Variants in CFAP251 observed in about 807,000 individuals in gnomAD.
CFAP251 encodes the protein cilia- and flagella-associated protein 251.
In CFAP251, 93 loss-of-function variants were observed where a neutral mutation model predicts 126.7. That is an observed-to-expected ratio of 0.73 (90% confidence interval 0.62 to 0.87). The LOEUF (loss-of-function observed/expected upper bound fraction) is 0.87, where lower values mean the gene tolerates loss of function less well. Ranked by LOEUF, CFAP251 falls within the 40% of genes least tolerant of loss-of-function variation. CFAP251 has a pLI of 0.00. For missense variants in CFAP251, 1,287 were observed against 1,389.2 expected (o/e 0.93, Z 1.17); for synonymous variants, 503 against 506.9 (o/e 0.99, Z 0.10).
chr12:121,963,802 GACTTGACCCTT>G (rs1565915344), intron 15 of CFAP251, among the ~76,000 whole-genome samples: 4 of 151,136 alleles, frequency 2.6e-5, no homozygotes, highest in Non-Finnish European at 5.9e-5. Flanking sequence ...AACAGGGCAG[GACTTGACCCTT>G]GACCCTAGCC....
chr12:121,950,077 G>A (rs1031449767), intron 8 of CFAP251: 2 of 152,202 alleles, frequency 1.3e-5, no homozygotes, highest in African/African-American at 4.8e-5. Context: ...GTAGAAACAA[G>A]CCAAGTGTTC....
chr12:121,940,363 C>T (rs1318200852), intron 5 of CFAP251, among the ~76,000 whole-genome samples: 2 of 152,154 alleles, frequency 1.3e-5, no homozygotes, highest in African/African-American at 4.8e-5. Flanking sequence ...ATTGCCTTCC[C>T]AGGTGAATTT....
At chr12:121,983,909 A>G (rs1329880277) in intron 19 of CFAP251, among the ~76,000 whole-genome samples, 1 of 152,200 alleles carries the variant, frequency 6.6e-6, no homozygotes. Context: ...ATTAAAAAAA[A>G]TCTTTTCAGG....
intron 19 of CFAP251, among the ~76,000 whole-genome samples, chr12:121,990,492 A>C (rs1347541620): frequency 6.6e-6 from 1 of 151,800 alleles, no homozygotes; most frequent in African/African-American, 2.4e-5. Flanking sequence ...CCTCCTCTGC[A>C]CCCTCCTCCT....
intron 5 of CFAP251, among the ~76,000 whole-genome samples, chr12:121,938,923 G>T (rs1361107116): frequency 1.3e-5 from 2 of 151,888 alleles, no homozygotes; most frequent in African/African-American, 4.8e-5. Context: ...GGCGGCGGAG[G>T]TTGCAGTGAG....
At position 121,934,290 on chromosome 12, in the gene CFAP251, G is replaced by A. The variant is rs376955873; in HGVS notation, c.932G>A (p.Arg311Lys). The change falls in exon 5 of 22, where the codon AGG (arginine) becomes AAG (lysine). Residue 311 changes from arginine (R) to lysine (K), a missense_variant. By Grantham distance (26) the Arg-to-Lys change is conservative. Transcript: ENST00000288912. ...IISCLCVSED[R>K]RWIATADKGP... ...TCCTGCCTCTGCGTCAGTGAAGACA[G>A]GCGGTGGATCGCCACAGCAGACAAA... 7 of 1,613,972 alleles carry A rather than the reference G, an allele frequency of 4.3e-6. No homozygotes were observed. The highest frequency in any genetic ancestry group is 3.3e-5 in the Admixed American group (2 of 59,996).
Position 121,958,484 on chromosome 12 carries a change from A to C in CFAP251, c.1943A>C (p.Lys648Thr), listed in dbSNP as rs1050412142. The C allele has an allele frequency of 6.2e-7, 1 of 1,614,238 alleles. No homozygotes were observed. The highest frequency in any genetic ancestry group is 2.2e-5 in the East Asian group (1 of 44,886). The change falls in exon 12 of 22, where the codon AAG becomes ACG. Residue 648 changes from lysine (K) to threonine (T), a missense_variant. Physicochemically the swap from Lys to Thr is moderately conservative, Grantham distance 78. Transcript: ENST00000288912. ...KQYLFSRVFE[K>T]GLGVQSLTYN... ...TATCTTTTCAGCAGGGTTTTTGAGA[A>C]GGGGCTTGGAGTCCAGAGTCTGACC...
intron 19 of CFAP251, among the ~76,000 whole-genome samples, chr12:121,984,496 C>T (rs773470532): frequency 1.3e-5 from 2 of 152,088 alleles, no homozygotes; most frequent in African/African-American, 2.4e-5. Context: ...TCAGTAGAAA[C>T]GGGGTTTCAC....
chr12:121,956,955 G>T (rs1246757538), intron 10 of CFAP251, 119 bp from the exon 11 acceptor site: 5 of 684,736 alleles, frequency 7.3e-6, no homozygotes, highest in Non-Finnish European at 1.1e-5. Flanking sequence ...CTCGTTGGGA[G>T]TATTAAATTA....
At chr12:121,920,775 T>G (rs1222216484) in intron 1 of CFAP251, among the ~76,000 whole-genome samples, 1 of 150,566 alleles carries the variant, frequency 6.6e-6, no homozygotes, top group African/African-American at 2.4e-5. Flanking sequence ...CAACTGATCC[T>G]CCCGCCTCAG....
At chr12:121,979,029 T>C (rs1054176315) in intron 19 of CFAP251, among the ~76,000 whole-genome samples, 3 of 152,170 alleles carry the variant, frequency 2.0e-5, no homozygotes, top group Non-Finnish European at 2.9e-5. Flanking sequence ...AGTGTTCATG[T>C]TGGCTGAGAA....
intron 19 of CFAP251, among the ~76,000 whole-genome samples, chr12:121,995,328 G>GT (rs1206930500): frequency 6.6e-6 from 1 of 152,158 alleles, no homozygotes; most frequent in Non-Finnish European, 1.5e-5. Flanking sequence ...ACTGGATAGT[G>GT]TTTTTTCCTA....
At chr12:121,973,648 T>A (rs1882389526) in intron 17 of CFAP251, among the ~76,000 whole-genome samples, 1 of 152,206 alleles carries the variant, frequency 6.6e-6, no homozygotes, top group African/African-American at 2.4e-5. Flanking sequence ...TGCATCAGCG[T>A]GACCTGGATA....
chr12:121,962,095 C>G lies in CFAP251; in HGVS notation c.2425C>G (p.Leu809Val), dbSNP rs371514829. 6.2e-7 allele frequency: 1 copy of G among 1,613,922 alleles called. No individual in the cohort carries two copies. Among genetic ancestry groups the G allele is most frequent in the African/African-American group, 1.3e-5 (1 of 74,922 alleles). ...CTGGTACCCACCACTCACCAGGGAA[C>G]TCTTCCTGCTTATTTGCAACAGTGG... ...MVWYPPLTRE[L>V]FLLICNSGYK... Residue 809 changes from leucine to valine, a missense_variant, in exon 15 of 22, where the codon CTC becomes GTC. Physicochemically the swap from Leu to Val is conservative, Grantham distance 32. Coordinates refer to ENST00000288912, the MANE Select transcript of CFAP251 (RefSeq NM_144668.6).
At chr12:121,963,726 C>T (rs1882026572) in intron 15 of CFAP251, among the ~76,000 whole-genome samples, 1 of 150,560 alleles carries the variant, frequency 6.6e-6, no homozygotes, top group Admixed American at 6.7e-5. Flanking sequence ...CCCATTCCCT[C>T]ATCCACAGCC....
At chr12:121,971,199 G>C (rs918199717) in intron 17 of CFAP251, among the ~76,000 whole-genome samples, 1 of 152,210 alleles carries the variant, frequency 6.6e-6, no homozygotes, top group African/African-American at 2.4e-5. Context: ...CCTGGGCCTG[G>C]CCTGGAGGCC....
intron 19 of CFAP251, 46 bp downstream of exon 19, chr12:121,975,731 A>C (rs778368070): frequency 1.3e-6 from 2 of 1,523,790 alleles, no homozygotes; most frequent in Non-Finnish European, 1.8e-6. Flanking sequence ...TGCTATTTAT[A>C]AAAAACAACC....
chr12:121,998,433 AT>A (rs1410512484), intron 19 of CFAP251: 20 of 138 alleles, frequency 0.14, no homozygotes, highest in Middle Eastern at 0.5. Flanking sequence ...TTTTAGTGTA[AT>A]ATATATATAT....
chr12:121,984,292 A>ATTATTTAT (rs760778335), intron 19 of CFAP251, among the ~76,000 whole-genome samples: 2 of 151,984 alleles, frequency 1.3e-5, no homozygotes, highest in African/African-American at 2.4e-5. Context: ...CCTAGAAATC[A>ATTATTTAT]TTATTTATTT....
Sources: gnomAD v4.1 joint callset for allele counts (sites outside exome capture counted in the v4.1 genomes callset) on GRCh38, gnomAD v4.1.1 for gene constraint, MANE v1.5 for transcripts, NCBI Gene and HGNC (gene_info 2026-07-23, HGNC 2026-07-21) for gene names.